Variants in PABPC4L observed in about 807,000 individuals in gnomAD.
PABPC4L encodes the protein poly(A) binding protein cytoplasmic 4 like, also known as polyadenylate-binding protein 4-like.
For synonymous variants in PABPC4L, 169 were observed against 164.1 expected (o/e 1.03, Z -0.23); for missense variants, 452 against 451.4 (o/e 1.00, Z -0.01).
At chr4:133,994,183 C>T in the PABPC4L span, among the ~76,000 whole-genome samples, 17 of 152,176 alleles carry the variant, frequency 1.1e-4, no homozygotes, top group South Asian at 8.3e-4. Flanking sequence ...TTGGGAATGA[C>T]GAAAATGGGT....
the PABPC4L span, among the ~76,000 whole-genome samples, chr4:133,951,751 ACCATTAAGTTACTAGAAGGGTAACC>A: frequency 2.2e-4 from 33 of 152,078 alleles, no homozygotes; most frequent in Non-Finnish European, 3.1e-4. Flanking sequence ...CCCTATGGGG[ACCATTAAGTTACTAGAAGGGTAACC>A]CCATTAAGTT....
At chr4:133,990,405 A>G in the PABPC4L span, among the ~76,000 whole-genome samples, 1 of 152,182 alleles carries the variant, frequency 6.6e-6, no homozygotes, top group Non-Finnish European at 1.5e-5. Flanking sequence ...TAAGACTGTC[A>G]ACTTAATTGA....
the PABPC4L span, among the ~76,000 whole-genome samples, chr4:134,001,309 G>A: frequency 6.6e-6 from 1 of 151,732 alleles, no homozygotes; most frequent in African/African-American, 2.4e-5. Flanking sequence ...TAAGGCTAGT[G>A]AACTGGACCC....
rs1446380082 is a variant in PABPC4L at position 134,200,697 on chromosome 4, G to A, written c.323C>T (p.Ser108Phe). 1.9e-6 allele frequency: 3 copies of A among 1,551,526 alleles called. No homozygotes were observed. The highest frequency in any genetic ancestry group is 2.4e-5 in the East Asian group (1 of 40,918). Reference protein sequence around the residue: ...GNVFIKNLDKSIDNKTLYEHF... With the variant: ...GNVFIKNLDKFIDNKTLYEHF... ...TTCATAAAGGGTTTTGTTATCGATA[G>A]ATTTGTCCAGATTCTTGATGAATAC... is the stretch of plus-strand genomic sequence containing the variant. The change falls in exon 2 of 2, where the codon TCT becomes TTT. Residue 108 changes from serine (S) to phenylalanine (F), a missense_variant. Physicochemically the swap from Ser to Phe is radical, Grantham distance 155 (BLOSUM62 -2). Transcript: ENST00000421491.
At chr4:134,150,774 A>G in the PABPC4L span, among the ~76,000 whole-genome samples, 1 of 152,180 alleles carries the variant, frequency 6.6e-6, no homozygotes, top group Admixed American at 6.5e-5. Context: ...AGTTTGATTA[A>G]TTAATTAAAT....
the PABPC4L span, among the ~76,000 whole-genome samples, chr4:134,020,124 G>C: frequency 3.3e-5 from 5 of 152,072 alleles, no homozygotes; most frequent in African/African-American, 1.2e-4. Context: ...CCCCAAGAGA[G>C]GATTCTTGGA....
chr4:134,147,701 TTG>T, the PABPC4L span, among the ~76,000 whole-genome samples: 1 of 151,650 alleles, frequency 6.6e-6, no homozygotes, highest in East Asian at 1.9e-4. Flanking sequence ...ACCCCCTCTT[TTG>T]GTAGTCAATG....
At chr4:133,957,658 G>A in the PABPC4L span, among the ~76,000 whole-genome samples, 2 of 152,150 alleles carry the variant, frequency 1.3e-5, no homozygotes, top group Admixed American at 6.5e-5. Flanking sequence ...TCTCCATGAG[G>A]GATGCACCCC....
chr4:134,171,641 T>C, the PABPC4L span, among the ~76,000 whole-genome samples: 942 of 152,190 alleles, frequency 6.2e-3, 7 homozygotes, highest in African/African-American at 0.021. Flanking sequence ...ATGATTCCTA[T>C]TCAATACAGT....
the PABPC4L span, among the ~76,000 whole-genome samples, chr4:133,984,588 T>C: frequency 6.6e-6 from 1 of 151,844 alleles, no homozygotes; most frequent in African/African-American, 2.4e-5. Flanking sequence ...AAAGTCAGGA[T>C]AATAAAGAAT....
the PABPC4L span, among the ~76,000 whole-genome samples, chr4:134,159,541 T>A: frequency 7.2e-5 from 11 of 152,104 alleles, no homozygotes; most frequent in Middle Eastern, 6.8e-3. Flanking sequence ...TGCTACCCTA[T>A]CATAGGGCAG....
chr4:134,124,513 G>A, the PABPC4L span, among the ~76,000 whole-genome samples: 1 of 151,996 alleles, frequency 6.6e-6, no homozygotes, highest in Admixed American at 6.6e-5. Flanking sequence ...AGATCACCCT[G>A]TCTGTGTGCA....
At chr4:134,016,304 C>A in the PABPC4L span, among the ~76,000 whole-genome samples, 1 of 152,132 alleles carries the variant, frequency 6.6e-6, no homozygotes. Context: ...CTAAATATGC[C>A]TTCCATATCC....
At chr4:134,051,026 TG>T in the PABPC4L span, among the ~76,000 whole-genome samples, 1 of 152,242 alleles carries the variant, frequency 6.6e-6, no homozygotes, top group Admixed American at 6.5e-5. Flanking sequence ...AAATCCATTT[TG>T]CTCTTCTAGG....
chr4:134,118,553 A>G, the PABPC4L span, among the ~76,000 whole-genome samples: 1 of 151,872 alleles, frequency 6.6e-6, no homozygotes, highest in Admixed American at 6.6e-5. Context: ...TTTGATTGAC[A>G]AATATTTAAA....
At chr4:134,091,671 A>C in the PABPC4L span, among the ~76,000 whole-genome samples, 1 of 151,814 alleles carries the variant, frequency 6.6e-6, no homozygotes, top group East Asian at 1.9e-4. Context: ...AATATAGATA[A>C]ATACATTGTC....
chr4:134,068,181 T>A, the PABPC4L span, among the ~76,000 whole-genome samples: 2 of 152,186 alleles, frequency 1.3e-5, no homozygotes, highest in Admixed American at 1.3e-4. Flanking sequence ...CTCTAAGAAC[T>A]TGCTTTACAA....
the PABPC4L span, among the ~76,000 whole-genome samples, chr4:134,112,289 T>A: frequency 6.6e-6 from 1 of 152,058 alleles, no homozygotes; most frequent in Middle Eastern, 3.4e-3. Flanking sequence ...TTCTGGAAAA[T>A]ACTAGTTAAA....
chr4:134,057,424 G>A, the PABPC4L span, among the ~76,000 whole-genome samples: 3 of 152,144 alleles, frequency 2.0e-5, no homozygotes, highest in East Asian at 3.9e-4. Flanking sequence ...ATGAAAGTCG[G>A]ACTGTTCACT....
Sources: allele counts gnomAD v4.1 joint callset (sites outside exome capture counted in the v4.1 genomes callset), GRCh38; gene constraint gnomAD v4.1.1; transcripts MANE v1.5; gene names NCBI Gene and HGNC (gene_info 2026-07-23, HGNC 2026-07-21).